The following KIF1A variants were observed in gnomAD, a reference collection of about 807,000 sequenced individuals.
KIF1A encodes kinesin family member 1A.
Under a neutral mutation model 227.3 loss-of-function variants are expected in KIF1A, and 46 were observed. The observed-to-expected ratio is 0.20, with a 90% CI of 0.16 to 0.26. The LOEUF (loss-of-function observed/expected upper bound fraction) is 0.26. KIF1A is among the 10% of genes least tolerant of loss of function. The pLI, the probability that KIF1A is intolerant of heterozygous loss-of-function variation, is 1.00. For missense variants in KIF1A, 1,683 were observed against 2,485.9 expected (o/e 0.68, Z 6.87); for synonymous variants, 1,022 against 1,012.8 (o/e 1.01, Z -0.17).
At position 240,762,765 on chromosome 2, in the gene KIF1A, C is replaced by T. The variant is rs749762798; in HGVS notation, c.2070G>A (p.Arg690=). ...CCTCCTCGTTCACCTCCGGGTAGTA[C>T]CTGGAGTCCATCTGCTTCTGCAGAG... is the stretch of plus-strand genomic sequence containing the variant. The part of the protein sequence containing the change: ...LEALQKQMDS[R]YYPEVNEEEE... The change falls in exon 23 of 49, where the codon AGG becomes AGA. Residue 690 remains arginine, a synonymous_variant. Transcript: ENST00000498729. 1.5e-5 allele frequency: 24 copies of T among 1,600,938 alleles called. 1 individual carries two copies. In the South Asian group the frequency reaches 2.0e-4, roughly 13 times the overall value.
chr2:240,762,572 A>G (rs1011828153), intron 23 of KIF1A, 147 bp downstream of exon 23: 1 of 1,208,564 alleles, frequency 8.3e-7, no homozygotes, highest in Non-Finnish European at 1.1e-6. Flanking sequence ...GGTGCTTCCC[A>G]GGGCAAGGAG....
chr2:240,718,310 G>A, intron 47 of KIF1A, 142 bp from the exon 48 acceptor site: 1 of 698,674 alleles, frequency 1.4e-6, no homozygotes, highest in South Asian at 1.6e-5. Flanking sequence ...ACAAAGAGGG[G>A]AAGGCTGACC....
intron 5 of KIF1A, 42 bp downstream of exon 5, chr2:240,787,209 C>T (rs989345742): frequency 8.5e-6 from 13 of 1,530,672 alleles, no homozygotes; most frequent in Non-Finnish European, 1.2e-5. Flanking sequence ...CACCAGATTC[C>T]CAGCCCTGCC....
chr2:240,791,273 T>C (rs1019494153), intron 2 of KIF1A, among the ~76,000 whole-genome samples: 29 of 152,254 alleles, frequency 1.9e-4, no homozygotes, highest in African/African-American at 3.4e-4. Context: ...CAACCAGCGC[T>C]GTGGAAACAA....
chr2:240,755,846 T>G (rs2049783688), intron 27 of KIF1A, among the ~76,000 whole-genome samples: 1 of 152,162 alleles, frequency 6.6e-6, no homozygotes, highest in East Asian at 1.9e-4. Flanking sequence ...GCCCAGGAGG[T>G]GCAGGGGGCC....
intron 43 of KIF1A, 147 bp from the exon 44 acceptor site, chr2:240,722,031 C>A (rs1246009506): frequency 1.5e-6 from 1 of 660,294 alleles, no homozygotes; most frequent in Admixed American, 2.4e-5. Context: ...AGCACCTCCA[C>A]CCCGCCCAGG....
At chr2:240,794,079 C>T (rs958655419) in intron 2 of KIF1A, among the ~76,000 whole-genome samples, 5 of 152,140 alleles carry the variant, frequency 3.3e-5, no homozygotes, top group Admixed American at 3.3e-4. Flanking sequence ...CTGCAGTGTC[C>T]TCCTGGGGCT....
chr2:240,767,131 G>A (rs1218279423), intron 18 of KIF1A, 110 bp from the exon 19 acceptor site: 20 of 1,122,274 alleles, frequency 1.8e-5, no homozygotes, highest in South Asian at 9.8e-5. Flanking sequence ...AACACCCAGC[G>A]CAGACATCAG....
At chr2:240,767,450 C>T in intron 17 of KIF1A, 105 bp from the exon 18 acceptor site, 1 of 927,586 alleles carries the variant, frequency 1.1e-6, no homozygotes, top group Non-Finnish European at 1.7e-6. Context: ...CCACCAGGGT[C>T]CCTGCCCCCG....
chr2:240,812,924 A>ACCTCGGGATCT (rs1205330618), intron 1 of KIF1A, among the ~76,000 whole-genome samples: 1 of 46,298 alleles, frequency 2.2e-5, no homozygotes, highest in African/African-American at 7.2e-5. Flanking sequence ...CTCGGGGATC[A>ACCTCGGGATCT]GCCTTCACCT....
chr2:240,812,471 G>A (rs1203080010), intron 1 of KIF1A, among the ~76,000 whole-genome samples: 2 of 152,138 alleles, frequency 1.3e-5, no homozygotes, highest in Non-Finnish European at 2.9e-5. Flanking sequence ...TTCACCTCAG[G>A]GGCCCGCCTT....
chr2:240,746,327 T>A, intron 29 of KIF1A, 150 bp from the exon 30 acceptor site: 2 of 864,634 alleles, frequency 2.3e-6, no homozygotes, highest in Non-Finnish European at 1.8e-6. Context: ...GTGCCTGCCT[T>A]GTAGGGGGGC....
At chr2:240,747,344 G>C in intron 28 of KIF1A, 23 bp from the exon 29 acceptor site, 2 of 1,600,792 alleles carry the variant, frequency 1.2e-6, no homozygotes, top group African/African-American at 1.3e-5. Flanking sequence ...CAGAGCAAAT[G>C]GTTGGAGCCC....
At chr2:240,734,760 C>T (rs1333946010) in intron 38 of KIF1A, 2 of 1,304,570 alleles carry the variant, frequency 1.5e-6, no homozygotes, top group African/African-American at 1.5e-5. Flanking sequence ...AAAACACAAA[C>T]AATCACACGG....
Position 240,722,525 on chromosome 2 carries a change from C to T in KIF1A, c.4596G>A (p.Pro1532=), listed in dbSNP as rs952512510. ...GTGATGGGCGGCCCTCAGCCGAGAG[C>T]GGGGAGGAGGCGCTGGAGGAGCCAT... The part of the protein sequence containing the change: ...ESHGSSSASS[P]LSAEGRPSPL... The change falls in exon 43 of 49, where the codon CCG becomes CCA. Residue 1532 remains proline, a synonymous_variant. Coordinates refer to ENST00000498729, the MANE Select transcript of KIF1A (RefSeq NM_001244008.2). The T allele has an allele frequency of 5.8e-6, 9 of 1,548,222 alleles. No individual in the cohort carries two copies. The highest frequency in any genetic ancestry group is 2.7e-5 in the African/African-American group (2 of 72,972).
At chr2:240,786,128 AGGT>A (rs1211296352) in intron 6 of KIF1A, among the ~76,000 whole-genome samples, 1 of 152,186 alleles carries the variant, frequency 6.6e-6, no homozygotes, top group Non-Finnish European at 1.5e-5. Context: ...AGCCCCATGG[AGGT>A]GACAGTGTCC....
At chr2:240,804,713 G>T (rs1013715368) in intron 1 of KIF1A, among the ~76,000 whole-genome samples, 1 of 152,152 alleles carries the variant, frequency 6.6e-6, no homozygotes, top group Non-Finnish European at 1.5e-5. Context: ...GTGTTACTGA[G>T]AATTTAAGGC....
chr2:240,774,341 T>G, intron 11 of KIF1A, 80 bp from the exon 12 acceptor site: 5 of 900,978 alleles, frequency 5.5e-6, no homozygotes, highest in Non-Finnish European at 9.0e-6. Context: ...CCCCCCACAT[T>G]TACAGATGGG....
chr2:240,799,667 C>T (rs188579073), intron 1 of KIF1A, among the ~76,000 whole-genome samples: 7 of 152,286 alleles, frequency 4.6e-5, no homozygotes, highest in African/African-American at 1.7e-4. Flanking sequence ...AGTCTTAGGA[C>T]GTTCCAGCCG....
Sources: allele counts gnomAD v4.1 joint callset (sites outside exome capture counted in the v4.1 genomes callset), GRCh38; gene constraint gnomAD v4.1.1; transcripts MANE v1.5; gene names NCBI Gene and HGNC (gene_info 2026-07-23, HGNC 2026-07-21).